Variants in ITGA11 observed in about 807,000 individuals in gnomAD.
The protein encoded by ITGA11 is integrin alpha-11.
ITGA11 carries 97 observed loss-of-function variants against 141.9 expected under a neutral mutation model. That is an observed-to-expected ratio of 0.68 (90% confidence interval 0.58 to 0.81). ITGA11 has a LOEUF of 0.81. Among genes scored for constraint, ITGA11 ranks in the 30% least tolerant of loss-of-function variants. ITGA11 has a pLI of 0.00. For missense variants in ITGA11, 1,387 were observed against 1,559.2 expected (o/e 0.89, Z 1.86); for synonymous variants, 658 against 624.6 (o/e 1.05, Z -0.80).
At position 68,321,155 on chromosome 15, in the gene ITGA11, G is replaced by A. The variant is rs1281736110; in HGVS notation, c.2408+263C>T. 9.0e-6 allele frequency among the ~76,000 whole-genome samples: 1 copy of A among 111,026 alleles called. No individual in the cohort carries two copies. Among genetic ancestry groups the A allele is most frequent in the Non-Finnish European group, 1.8e-5 (1 of 54,752 alleles). 72.8% of individuals were successfully genotyped at this position (111,026 alleles called of 152,430 possible). ...TCTATTTTGTAATGTGGGCTCCGAA[G>A]AAAGGGTTTCTTTTTTTTTTTTTTT... On this transcript the variant is annotated intron_variant, in intron 19 of 29. Transcript: ENST00000315757. The surrounding 1 kb of genome is among the most constrained non-coding windows in gnomAD (Gnocchi z 4.9).
In ITGA11 at chr15:68,413,054, G is replaced by A. The variant is rs550422371; in HGVS notation, c.53-10025C>T. Among the ~76,000 whole-genome samples, 16 of 152,210 alleles carry A rather than the reference G, an allele frequency of 1.1e-4. 1 individual carries two copies. The South Asian group carries it at 3.3e-3, about 32-fold the overall frequency. ...AGCCTCCAAACTTTGTTTTTCTACA[G>A]CGAATCTCACATTTTTTGAACAAAA... On this transcript the variant is annotated intron_variant, in intron 1 of 29. Coordinates refer to ENST00000315757, the MANE Select transcript of ITGA11 (RefSeq NM_001004439.2).
At chr15:68,394,242 A>C (rs1350965846) in intron 2 of ITGA11, among the ~76,000 whole-genome samples, 1 of 152,188 alleles carries the variant, frequency 6.6e-6, no homozygotes, top group East Asian at 1.9e-4. Context: ...ACAAACAACT[A>C]AGATTTTAAA....
At chr15:68,367,499 C>G (rs1231853724) in intron 3 of ITGA11, among the ~76,000 whole-genome samples, 3 of 152,178 alleles carry the variant, frequency 2.0e-5, no homozygotes, top group South Asian at 2.1e-4. Context: ...CTCAGAGAAG[C>G]CTTCCCTGAT....
chr15:68,330,262 G>C (rs908906915), intron 15 of ITGA11, among the ~76,000 whole-genome samples: 1 of 152,096 alleles, frequency 6.6e-6, no homozygotes, highest in African/African-American at 2.4e-5. Flanking sequence ...ATATATTTCT[G>C]TTCAATGCCT....
chr15:68,330,080 C>G (rs1220700696), intron 15 of ITGA11, among the ~76,000 whole-genome samples: 1 of 152,248 alleles, frequency 6.6e-6, no homozygotes, highest in Non-Finnish European at 1.5e-5. Context: ...GGCATCGGTG[C>G]TCTCTTCCGG....
At chr15:68,415,666 G>A (rs780201631) in intron 1 of ITGA11, among the ~76,000 whole-genome samples, 2 of 152,198 alleles carry the variant, frequency 1.3e-5, no homozygotes, top group Non-Finnish European at 2.9e-5. Flanking sequence ...TCCCCGGGAG[G>A]AGGAGCCCTA....
At chr15:68,319,999 A>T (rs1219120534) in intron 20 of ITGA11, among the ~76,000 whole-genome samples, 186 bp downstream of exon 20, 1 of 152,024 alleles carries the variant, frequency 6.6e-6, no homozygotes, top group African/African-American at 2.4e-5. Flanking sequence ...TATGTTGCCC[A>T]GGCTGGCCTC....
At chr15:68,370,070 G>A (rs571379760) in intron 2 of ITGA11, among the ~76,000 whole-genome samples, 1 of 152,168 alleles carries the variant, frequency 6.6e-6, no homozygotes, top group African/African-American at 2.4e-5. Flanking sequence ...ACCAGAAGCT[G>A]GAAGAACCAA....
rs563452291 is a variant in ITGA11 at position 68,307,806 on chromosome 15, A to G, written c.3175-110T>C. The G allele has an allele frequency of 1.3e-5, 9 of 687,608 alleles. No homozygotes were observed. Among genetic ancestry groups the G allele is most frequent in the East Asian group, 2.7e-5 (1 of 37,228 alleles). 42.6% of individuals were successfully genotyped at this position (687,608 alleles called of 1,614,324 possible). A position where few individuals can be genotyped will look rare whatever the true frequency, so the allele number is the denominator to read the frequency against. On this transcript the variant is annotated intron_variant, in intron 26 of 29. Transcript: ENST00000315757. The surrounding 1 kb of genome is among the most constrained non-coding windows in gnomAD (Gnocchi z 6.1). ...GCTCCTGGGGGCAGGGGCAGAGGAC[A>G]GGGGACAAAGAGAAAGTTGGGAGTG...
chr15:68,339,444 C>G, intron 11 of ITGA11, 56 bp downstream of exon 11: 1 of 1,559,020 alleles, frequency 6.4e-7, no homozygotes, highest in East Asian at 2.4e-5. Flanking sequence ...TTGTGCAGCC[C>G]CTGGGTGCCC....
At chr15:68,389,243 G>A (rs1436914404) in intron 2 of ITGA11, among the ~76,000 whole-genome samples, 1 of 152,234 alleles carries the variant, frequency 6.6e-6, no homozygotes, top group Non-Finnish European at 1.5e-5. Flanking sequence ...GATCCTTTTT[G>A]TGTGTCCCTC....
chr15:68,332,408 A>C lies in ITGA11; in HGVS notation c.1496T>G (p.Leu499Arg). Residue 499 changes from leucine to arginine, a missense_variant, in exon 13 of 30, where the codon CTG becomes CGG. Transcript: ENST00000315757. ...GTTGAAGTACATGGGTGCGCCCACC[A>C]GCAGGACATCAGTCACGCCGTCGCC... ...IDGDGVTDVL[L>R]VGAPMYFNEG... 6.2e-7 allele frequency: 1 copy of C among 1,611,214 alleles called. No homozygotes were observed. Among genetic ancestry groups the C allele is most frequent in the Non-Finnish European group, 8.5e-7 (1 of 1,178,892 alleles).
chr15:68,385,579 G>A (rs1340219275), intron 2 of ITGA11, among the ~76,000 whole-genome samples: 1 of 152,236 alleles, frequency 6.6e-6, no homozygotes. Flanking sequence ...ACTGTAAAAG[G>A]ATGGATGCCT....
At position 68,299,680 on chromosome 15, in the gene ITGA11, CT is replaced by C. The variant is rs1411505121; in HGVS notation, c.*3378del. On this transcript the variant is annotated 3_prime_UTR_variant, in exon 30 of 30. Coordinates refer to ENST00000315757, the MANE Select transcript of ITGA11 (RefSeq NM_001004439.2). Reference sequence around the variant, plus strand: ...TCTCCATTAGAGGCTGCTTGGCATCCTGGGATTGAAGCCAGGGGACTGACTC... The same window carrying C: ...TCTCCATTAGAGGCTGCTTGGCATCCGGGATTGAAGCCAGGGGACTGACTC... The C allele has an allele frequency of 3.9e-5, 6 of 152,186 alleles. No individual in the cohort carries two copies. The highest frequency in any genetic ancestry group is 1.2e-4 in the African/African-American group (5 of 41,440). 9.4% of individuals were successfully genotyped at this position (152,186 alleles called of 1,614,324 possible).
chr15:68,312,944 A>G, intron 23 of ITGA11, 81 bp from the exon 24 acceptor site: 1 of 1,046,964 alleles, frequency 9.6e-7, no homozygotes, highest in South Asian at 1.3e-5. Context: ...GGGAGAGGGC[A>G]TGTGCCGGCC....
At chr15:68,424,293 A>G (rs1233886403) in intron 1 of ITGA11, among the ~76,000 whole-genome samples, 3 of 152,174 alleles carry the variant, frequency 2.0e-5, no homozygotes, top group Non-Finnish European at 4.4e-5. Context: ...TTCCAGAAGG[A>G]CTGAGAGTCA....
intron 1 of ITGA11, among the ~76,000 whole-genome samples, chr15:68,403,992 C>T (rs1320936932): frequency 3.3e-5 from 5 of 152,182 alleles, no homozygotes; most frequent in Non-Finnish European, 7.3e-5. Flanking sequence ...GAAGACCTGT[C>T]CTTCCCCCAG....
At position 68,358,605 on chromosome 15, in the gene ITGA11, T is replaced by TATTA; in HGVS notation, c.473-21_473-20insTAAT. ...GGCACCCTGGAAAGTGGGGACACAGTTATGGCTACCCAAGGAGCAGTGTCT... is the reference window on the plus strand; with the variant it reads ...GGCACCCTGGAAAGTGGGGACACAGTATTATATGGCTACCCAAGGAGCAGTGTCT... On this transcript the variant is annotated intron_variant, in intron 5 of 29. Coordinates refer to ENST00000315757, the MANE Select transcript of ITGA11 (RefSeq NM_001004439.2). The TATTA allele has an allele frequency of 6.2e-7, 1 of 1,601,918 alleles. No individual in the cohort carries two copies. The highest frequency in any genetic ancestry group is 8.5e-7 in the Non-Finnish European group (1 of 1,175,114).
At chr15:68,349,032 C>T in intron 9 of ITGA11, 132 bp from the exon 10 acceptor site, 1 of 735,666 alleles carries the variant, frequency 1.4e-6, no homozygotes, top group Non-Finnish European at 2.3e-6. Flanking sequence ...CGAGGGGGGG[C>T]TCTGAAGCTG....
Sources: gnomAD v4.1 joint callset for allele counts (sites outside exome capture counted in the v4.1 genomes callset) on GRCh38, gnomAD v4.1.1 for gene constraint, Gnocchi (gnomAD v3.1) non-coding constraint, MANE v1.5 for transcripts, NCBI Gene and HGNC (gene_info 2026-07-23, HGNC 2026-07-21) for gene names.